TSPAN12: variants seen among roughly 807,000 people sequenced by gnomAD.
TSPAN12 encodes the protein tetraspanin-12.
In TSPAN12, 19 loss-of-function variants were observed where a neutral mutation model predicts 39.2. The ratio of observed to expected loss-of-function variants is 0.49; its 90% CI spans 0.34 to 0.71. The LOEUF is 0.71. Ranked by LOEUF, TSPAN12 falls within the 30% of genes least tolerant of loss-of-function variation. The pLI is 0.01. For synonymous variants in TSPAN12, 119 were observed against 124.8 expected (o/e 0.95, Z 0.31); for missense variants, 314 against 359.9 (o/e 0.87, Z 1.03).
At chr7:120,805,719 G>A (rs1793859950) in intron 7 of TSPAN12, among the ~76,000 whole-genome samples, 2 of 152,116 alleles carry the variant, frequency 1.3e-5, no homozygotes, top group South Asian at 2.1e-4. Context: ...TCCAGGACAG[G>A]GGCCACTAGT....
At chr7:120,801,235 G>T (rs936485746) in intron 7 of TSPAN12, among the ~76,000 whole-genome samples, 1 of 152,018 alleles carries the variant, frequency 6.6e-6, no homozygotes, top group African/African-American at 2.4e-5. Flanking sequence ...TCATCATGGG[G>T]TTCTTTTTCC....
chr7:120,829,720 C>A (rs1308654450), intron 4 of TSPAN12, among the ~76,000 whole-genome samples: 1 of 152,108 alleles, frequency 6.6e-6, no homozygotes, highest in Non-Finnish European at 1.5e-5. Flanking sequence ...CAGAAAAATA[C>A]CTGACTTTGA....
chr7:120,840,122 A>C lies in TSPAN12; in HGVS notation c.67-13T>G, dbSNP rs1309937492. 6.2e-7 allele frequency: 1 copy of C among 1,602,996 alleles called. No individual in the cohort carries two copies. Among genetic ancestry groups the C allele is most frequent in the Non-Finnish European group, 8.5e-7 (1 of 1,170,132 alleles). ...TGATGGACATTAACTGGGGAGAAAA[A>C]AGTACAAACCGGTTACCAAAGATTT... On this transcript the variant is annotated splice_polypyrimidine_tract_variant and intron_variant, in intron 2 of 7. Transcript: ENST00000222747.
rs953134223 is a variant in TSPAN12, at chr7:120,857,993, GAAAAAGA to G, written c.-251_-245del. ...CGCCGCCGCCGTCGCCGCCTCCTGG[GAAAAAGA>G]AAAAAAAAAAAAAAAGTCCTGGGCA... On this transcript the variant is annotated 5_prime_UTR_variant, in exon 1 of 8. Coordinates refer to ENST00000222747, the MANE Select transcript of TSPAN12 (RefSeq NM_012338.4). 2 of 144,846 alleles carry G rather than the reference GAAAAAGA, an allele frequency of 1.4e-5. No individual in the cohort carries two copies. The highest frequency in any genetic ancestry group is 5.1e-5 in the African/African-American group (2 of 39,270). 9.0% of individuals were successfully genotyped at this position (144,846 alleles called of 1,614,324 possible). A position where few individuals can be genotyped will look rare whatever the true frequency, so the allele number is the denominator to read the frequency against.
At chr7:120,835,377 G>A (rs973805780) in intron 4 of TSPAN12, among the ~76,000 whole-genome samples, 9 of 152,146 alleles carry the variant, frequency 5.9e-5, no homozygotes, top group African/African-American at 9.6e-5. Flanking sequence ...GATAATTGTC[G>A]TCAGGTTTAA....
At chr7:120,793,492 C>T (rs967758821) in intron 7 of TSPAN12, among the ~76,000 whole-genome samples, 2 of 152,186 alleles carry the variant, frequency 1.3e-5, no homozygotes, top group African/African-American at 4.8e-5. Context: ...TAGACTCCTC[C>T]ATTTATATAG....
chr7:120,852,884 A>G (rs2116507910), intron 2 of TSPAN12, among the ~76,000 whole-genome samples: 1 of 152,336 alleles, frequency 6.6e-6, no homozygotes, highest in Middle Eastern at 3.4e-3. Flanking sequence ...ACTAAGAAAG[A>G]AAACTATTTT....
chr7:120,792,998 T>C (rs895918654), intron 7 of TSPAN12, among the ~76,000 whole-genome samples: 1 of 152,242 alleles, frequency 6.6e-6, no homozygotes, highest in Admixed American at 6.5e-5. Flanking sequence ...AAGCACTCCC[T>C]TGTTGGAACC....
intron 2 of TSPAN12, among the ~76,000 whole-genome samples, chr7:120,849,384 C>T (rs370362163): frequency 1.9e-4 from 29 of 152,250 alleles, no homozygotes; most frequent in African/African-American, 5.3e-4. Context: ...TATGTGTATG[C>T]GCATTTCCTA....
chr7:120,850,375 A>G (rs1322529622), intron 2 of TSPAN12, among the ~76,000 whole-genome samples: 3 of 152,194 alleles, frequency 2.0e-5, no homozygotes, highest in African/African-American at 7.2e-5. Flanking sequence ...CCTAGTTGCC[A>G]TGATAAAGTA....
At chr7:120,808,689 T>C (rs1162971129) in intron 6 of TSPAN12, among the ~76,000 whole-genome samples, 1 of 152,120 alleles carries the variant, frequency 6.6e-6, no homozygotes, top group Non-Finnish European at 1.5e-5. Context: ...CAAACGTCAC[T>C]GGGGCTTAAG....
intron 2 of TSPAN12, among the ~76,000 whole-genome samples, chr7:120,844,515 A>G (rs995383068): frequency 5.3e-5 from 8 of 152,254 alleles, no homozygotes; most frequent in African/African-American, 1.9e-4. Flanking sequence ...ACTAAACAGT[A>G]CCATTCCAAA....
intron 5 of TSPAN12, among the ~76,000 whole-genome samples, chr7:120,814,588 C>T (rs1794044869): frequency 6.6e-6 from 1 of 152,194 alleles, no homozygotes; most frequent in African/African-American, 2.4e-5. Context: ...AAGTGTTCGA[C>T]ATCACATCAC....
chr7:120,797,557 C>T (rs1265492396), intron 7 of TSPAN12, among the ~76,000 whole-genome samples: 1 of 152,186 alleles, frequency 6.6e-6, no homozygotes, highest in Non-Finnish European at 1.5e-5. Context: ...GTTCTGCCTC[C>T]GAAGCTCATA....
intron 4 of TSPAN12, among the ~76,000 whole-genome samples, chr7:120,831,099 T>C (rs73425886): frequency 0.011 from 1,699 of 152,000 alleles, 28 homozygotes; most frequent in African/African-American, 0.037. Flanking sequence ...CAATGAAATA[T>C]CAACTTGTAG....
intron 5 of TSPAN12, among the ~76,000 whole-genome samples, chr7:120,812,225 A>G (rs947768926): frequency 4.6e-5 from 7 of 152,172 alleles, no homozygotes; most frequent in Non-Finnish European, 1.0e-4. Context: ...TACAACAGTC[A>G]TTACTGGCCA....
intron 4 of TSPAN12, among the ~76,000 whole-genome samples, chr7:120,833,233 T>C (rs1821823701): frequency 6.6e-6 from 1 of 152,014 alleles, no homozygotes; most frequent in Non-Finnish European, 1.5e-5. Flanking sequence ...ATAAACAAAA[T>C]AATAAAGACA....
At chr7:120,850,595 A>G (rs539586201) in intron 2 of TSPAN12, among the ~76,000 whole-genome samples, 4 of 152,284 alleles carry the variant, frequency 2.6e-5, no homozygotes, top group African/African-American at 9.6e-5. Flanking sequence ...TTCTCAAAAA[A>G]CATTCCTTAA....
At chr7:120,805,059 T>C (rs1434944118) in intron 7 of TSPAN12, among the ~76,000 whole-genome samples, 1 of 152,094 alleles carries the variant, frequency 6.6e-6, no homozygotes, top group Non-Finnish European at 1.5e-5. Context: ...GCCACTCAGT[T>C]TGTGGGACTT....
Sources: allele counts gnomAD v4.1 joint callset (sites outside exome capture counted in the v4.1 genomes callset), GRCh38; gene constraint gnomAD v4.1.1; transcripts MANE v1.5; gene names NCBI Gene and HGNC (gene_info 2026-07-23, HGNC 2026-07-21).